Variants in ERC1 observed in about 807,000 individuals in gnomAD.
ERC1 encodes the protein RAB6 interacting protein 2.
A neutral mutation model predicts 132.0 loss-of-function variants in ERC1; 56 were observed. The observed-to-expected ratio is 0.42, with a 90% confidence interval of 0.34 to 0.53. The LOEUF (loss-of-function observed/expected upper bound fraction) is 0.53, where lower values mean the gene tolerates loss of function less well. Among genes scored for constraint, ERC1 ranks in the 20% least tolerant of loss-of-function variants. The pLI, the probability that ERC1 is intolerant of heterozygous loss-of-function variation, is 0.03. For synonymous variants in ERC1, 478 were observed against 476.1 expected, an observed-to-expected ratio of 1.00 and a Z score of -0.05; for missense variants, 1,202 against 1,349.9, an observed-to-expected ratio of 0.89 and a Z score of 1.72.
At chr12:995,942 G>T (rs1242425135) in intron 1 of ERC1, among the ~76,000 whole-genome samples, 1 of 152,168 alleles carries the variant, frequency 6.6e-6, no homozygotes. Flanking sequence ...GGTCAGCGGT[G>T]TCATTGTTTA....
At chr12:1,160,271 T>C (rs913233402) in intron 8 of ERC1, among the ~76,000 whole-genome samples, 13 of 152,210 alleles carry the variant, frequency 8.5e-5, no homozygotes, top group African/African-American at 2.7e-4. Context: ...AGGTGATACA[T>C]TGTAAGAAAC....
chr12:1,147,653 TTTTC>T (rs1555269888), intron 8 of ERC1, among the ~76,000 whole-genome samples: 1 of 152,220 alleles, frequency 6.6e-6, no homozygotes, highest in Non-Finnish European at 1.5e-5. Context: ...CCTATTAAAC[TTTTC>T]TTTAAGTGTA....
intron 17 of ERC1, among the ~76,000 whole-genome samples, chr12:1,421,813 C>T (rs981248073): frequency 6.6e-6 from 1 of 150,546 alleles, no homozygotes; most frequent in Admixed American, 6.6e-5. Flanking sequence ...GTCAGGAGAT[C>T]GAGACCATCC....
chr12:1,213,913 G>GA (rs935070075), intron 12 of ERC1, among the ~76,000 whole-genome samples: 8 of 150,840 alleles, frequency 5.3e-5, no homozygotes, highest in East Asian at 1.9e-4. Flanking sequence ...CAAAAAAAAA[G>GA]AAAAAAAATA....
chr12:1,277,718 T>A (rs1443639690), intron 14 of ERC1, among the ~76,000 whole-genome samples: 1 of 152,090 alleles, frequency 6.6e-6, no homozygotes, highest in African/African-American at 2.4e-5. Context: ...TGTAAAGCAG[T>A]TTACTGGTTT....
intron 17 of ERC1, among the ~76,000 whole-genome samples, chr12:1,436,141 T>C (rs757575892): frequency 6.8e-6 from 1 of 148,070 alleles, no homozygotes; most frequent in African/African-American, 2.6e-5. Context: ...AGCCCTTCCA[T>C]GTACAGACAG....
intron 15 of ERC1, among the ~76,000 whole-genome samples, chr12:1,343,392 C>T (rs778819950): frequency 1.3e-5 from 2 of 152,202 alleles, no homozygotes; most frequent in Non-Finnish European, 2.9e-5. Flanking sequence ...TCCAGTGCTC[C>T]GCTGATTATT....
chr12:1,493,986 A>G lies in ERC1; in HGVS notation c.*3756A>G, dbSNP rs2094341319. The G allele has an allele frequency of 4.3e-6, 1 of 232,386 alleles. No homozygotes were observed. Among genetic ancestry groups the G allele is most frequent in the African/African-American group, 2.2e-5 (1 of 45,264 alleles). The allele number at this position is 232,386 out of a possible 1,614,324, so 14.4% of individuals were successfully genotyped here. A position where few individuals can be genotyped will look rare whatever the true frequency, so the allele number is the denominator to read the frequency against. On this transcript the variant is annotated 3_prime_UTR_variant, in exon 19 of 19. Transcript: ENST00000360905. ...TCCACTGGCATTTGGATTTGCTGCC[A>G]GAGTCCTGTTCCTCCCAGAACCATC...
At chr12:1,073,689 A>C (rs1940836060) in intron 2 of ERC1, among the ~76,000 whole-genome samples, 1 of 152,088 alleles carries the variant, frequency 6.6e-6, no homozygotes. Context: ...CTAACAACAA[A>C]AACCCGTAAC....
chr12:1,139,234 C>T (rs1170105998), intron 7 of ERC1, among the ~76,000 whole-genome samples: 3 of 152,052 alleles, frequency 2.0e-5, no homozygotes, highest in African/African-American at 7.2e-5. Context: ...TGCTGTATTC[C>T]ACCCTGGAGG....
At chr12:1,436,187 C>T (rs566854222) in intron 17 of ERC1, among the ~76,000 whole-genome samples, 4 of 152,142 alleles carry the variant, frequency 2.6e-5, no homozygotes, top group East Asian at 3.9e-4. Flanking sequence ...CACACGTGCA[C>T]GCACGCCCTC....
At position 1,241,847 on chromosome 12, in the gene ERC1, CTTTTTTTTT is replaced by C. The variant is rs57016547; in HGVS notation, c.2487+4962_2487+4970del. 2.5e-3 allele frequency among the ~76,000 whole-genome samples: 201 copies of C among 80,522 alleles called. 1 individual carries two copies. Among genetic ancestry groups the C allele is most frequent in the Middle Eastern group, 0.017 (2 of 116 alleles). 52.8% of individuals were successfully genotyped at this position (80,522 alleles called of 152,430 possible). On this transcript the variant is annotated intron_variant, in intron 13 of 18. Transcript: ENST00000360905. Reference sequence around the variant, plus strand: ...CCAATTTTTTGCATTTCTTCTTCTTCTTTTTTTTTTTTTTTTTTTTTTTTTTTGTGATGG... The same window carrying C: ...CCAATTTTTTGCATTTCTTCTTCTTCTTTTTTTTTTTTTTTTTTGTGATGG...
chr12:1,265,457 G>A (rs2077417378), intron 14 of ERC1, among the ~76,000 whole-genome samples: 1 of 152,162 alleles, frequency 6.6e-6, no homozygotes, highest in African/African-American at 2.4e-5. Context: ...GAAAAATTGA[G>A]CAGAAAGTGC....
intron 18 of ERC1, among the ~76,000 whole-genome samples, chr12:1,471,165 C>T (rs1317469463): frequency 2.0e-5 from 3 of 152,136 alleles, no homozygotes; most frequent in Non-Finnish European, 4.4e-5. Context: ...TGGCACACAC[C>T]CGTAGTCCCA....
chr12:1,483,559 A>T (rs780739237), intron 18 of ERC1, among the ~76,000 whole-genome samples: 6 of 149,594 alleles, frequency 4.0e-5, no homozygotes, highest in Admixed American at 6.8e-5. Context: ...TATTTATGTT[A>T]TATATTTTGG....
At chr12:1,455,440 G>A (rs1391048000) in intron 18 of ERC1, among the ~76,000 whole-genome samples, 5 of 152,092 alleles carry the variant, frequency 3.3e-5, no homozygotes, top group East Asian at 3.8e-4. Context: ...GGATGCTCCC[G>A]TATCTGACCA....
At chr12:1,170,986 T>G (rs896229328) in intron 8 of ERC1, among the ~76,000 whole-genome samples, 1 of 152,206 alleles carries the variant, frequency 6.6e-6, no homozygotes, top group African/African-American at 2.4e-5. Context: ...ATTTTATAAT[T>G]GAAAGAGATG....
rs537004239 is a variant in ERC1, at chr12:1,326,637, C to T, written c.2780+36625C>T. ...TTTTAGACGTAGAGACAAAAAGTCT[C>T]CCTTGAGTTTTTGAAAGAAATTGCT... On this transcript the variant is annotated intron_variant, in intron 15 of 18. Transcript: ENST00000360905. 3.1e-3 allele frequency among the ~76,000 whole-genome samples: 470 copies of T among 152,256 alleles called. 1 individual carries two copies. The highest frequency in any genetic ancestry group is 5.4e-3 in the Non-Finnish European group (364 of 67,998).
chr12:1,473,208 A>T (rs2093899516), intron 18 of ERC1, among the ~76,000 whole-genome samples: 1 of 151,746 alleles, frequency 6.6e-6, no homozygotes, highest in Non-Finnish European at 1.5e-5. Flanking sequence ...GTATTTTTTT[A>T]AGTAGAGACA....
Sources: gnomAD v4.1 joint callset for allele counts (sites outside exome capture counted in the v4.1 genomes callset) on GRCh38, gnomAD v4.1.1 for gene constraint, MANE v1.5 for transcripts, NCBI Gene and HGNC (gene_info 2026-07-23, HGNC 2026-07-21) for gene names.